OSBPL11: variants seen among roughly 807,000 people sequenced by gnomAD.
OSBPL11 encodes oxysterol binding protein like 11, also known as oxysterol-binding protein-related protein 11.
OSBPL11 carries 33 observed loss-of-function variants against 84.4 expected under a neutral mutation model. The observed-to-expected ratio is 0.39, with a 90% confidence interval of 0.30 to 0.52. OSBPL11 has a LOEUF of 0.52. OSBPL11 is among the 20% of genes least tolerant of loss of function. The pLI, the probability that OSBPL11 is intolerant of heterozygous loss-of-function variation, is 0.72. For missense variants in OSBPL11, 736 were observed against 901.1 expected (o/e 0.82, Z 2.35); for synonymous variants, 276 against 310.2 (o/e 0.89, Z 1.16).
rs1935995982 is a variant in OSBPL11, at chr3:125,556,748, A to G, written c.1155+3631T>C. On this transcript the variant is annotated intron_variant, in intron 8 of 12. Transcript: ENST00000296220. The stretch of plus-strand genomic sequence containing the variant: ...ATGTTAGCTATTCATTTTTTCCTAA[A>G]CATCATTATGGAGTACAAAAAAGCA... Among the ~76,000 whole-genome samples the G allele has an allele frequency of 2.0e-5, 3 of 152,202 alleles. No homozygotes were observed. In the South Asian group the frequency reaches 6.2e-4, roughly 32 times the overall value.
chr3:125,574,480 GTT>G (rs56689283), intron 5 of OSBPL11, among the ~76,000 whole-genome samples: 5 of 135,354 alleles, frequency 3.7e-5, no homozygotes, highest in East Asian at 2.1e-4. Context: ...CTGATTAGCA[GTT>G]TTTTTTTTTT....
At chr3:125,581,007 T>C (rs1166408845) in intron 2 of OSBPL11, among the ~76,000 whole-genome samples, 1 of 151,988 alleles carries the variant, frequency 6.6e-6, no homozygotes, top group Non-Finnish European at 1.5e-5. Flanking sequence ...GAAATACTAA[T>C]ACACTTTGGA....
chr3:125,576,420 A>G, intron 4 of OSBPL11, 55 bp from the exon 5 acceptor site: 1 of 1,377,658 alleles, frequency 7.3e-7, no homozygotes. Context: ...TAGGATTTCT[A>G]ACCATCAAAC....
At chr3:125,540,828 C>T (rs75140169) in intron 10 of OSBPL11, among the ~76,000 whole-genome samples, 26 of 152,194 alleles carry the variant, frequency 1.7e-4, no homozygotes, top group East Asian at 5.8e-4. Context: ...AAAAACAGCA[C>T]GAAGAGAAGT....
chr3:125,552,674 C>T lies in OSBPL11; in HGVS notation c.1161G>A (p.Val387=), dbSNP rs771835224. ...LKLGMDLTRV[V]LPTFILEKRS... ...GCTTCTCTAGGATAAATGTAGGAAG[C>T]ACCACCTAAAACAACAATCAATGAA... Residue 387 remains valine, a synonymous_variant, in exon 9 of 13, where the codon GTG becomes GTA. Transcript: ENST00000296220. 1 of 1,610,530 alleles carries T rather than the reference C, an allele frequency of 6.2e-7. No individual in the cohort carries two copies. Among genetic ancestry groups the T allele is most frequent in the Non-Finnish European group, 8.5e-7 (1 of 1,178,246 alleles).
At chr3:125,540,278 A>C (rs1167195226) in intron 10 of OSBPL11, among the ~76,000 whole-genome samples, 1 of 145,402 alleles carries the variant, frequency 6.9e-6, no homozygotes, top group Non-Finnish European at 1.5e-5. Context: ...GCAGTGAGCC[A>C]AGATTGCACT....
intron 10 of OSBPL11, among the ~76,000 whole-genome samples, chr3:125,545,678 C>T (rs1036138259): frequency 2.0e-5 from 3 of 151,868 alleles, no homozygotes; most frequent in Non-Finnish European, 2.9e-5. Context: ...TATGATATTA[C>T]ACCACACACT....
chr3:125,547,240 CAG>C (rs1935833495), intron 10 of OSBPL11, among the ~76,000 whole-genome samples, 164 bp downstream of exon 10: 1 of 152,084 alleles, frequency 6.6e-6, no homozygotes, highest in African/African-American at 2.4e-5. Context: ...CTTTTAAAAA[CAG>C]AGCATGACTT....
At chr3:125,572,515 A>G (rs1337319568) in intron 5 of OSBPL11, among the ~76,000 whole-genome samples, 4 of 152,126 alleles carry the variant, frequency 2.6e-5, no homozygotes, top group Non-Finnish European at 5.9e-5. Context: ...GGAGGGACCC[A>G]GTGGGAGGTA....
At chr3:125,560,561 T>G in intron 7 of OSBPL11, 42 bp from the exon 8 acceptor site, 1 of 1,469,156 alleles carries the variant, frequency 6.8e-7, no homozygotes, top group Non-Finnish European at 9.1e-7. Context: ...TTTAACTACC[T>G]ATTCATATCC....
intron 9 of OSBPL11, among the ~76,000 whole-genome samples, chr3:125,550,275 T>C (rs1201092621): frequency 6.6e-6 from 1 of 151,476 alleles, no homozygotes; most frequent in Non-Finnish European, 1.5e-5. Context: ...CTGTGGAAGC[T>C]GGGGTGGGAG....
At chr3:125,570,648 A>G (rs1418995372) in intron 5 of OSBPL11, among the ~76,000 whole-genome samples, 5 of 152,176 alleles carry the variant, frequency 3.3e-5, no homozygotes, top group Admixed American at 1.3e-4. Context: ...ATGATAGTGA[A>G]TAAGTCTCAT....
At chr3:125,577,657 G>A (rs6438906) in intron 4 of OSBPL11, among the ~76,000 whole-genome samples, 10,442 of 151,628 alleles carry the variant, frequency 0.069, 489 homozygotes, top group African/African-American at 0.14. Flanking sequence ...GCGAAACCCC[G>A]TCTCTACCAA....
At chr3:125,579,130 A>C in intron 3 of OSBPL11, 91 bp from the exon 4 acceptor site, 1 of 936,564 alleles carries the variant, frequency 1.1e-6, no homozygotes. Flanking sequence ...ACTGAAAAGC[A>C]GATACTGGTC....
At chr3:125,583,035 T>C in intron 1 of OSBPL11, 57 bp from the exon 2 acceptor site, 1 of 1,279,248 alleles carries the variant, frequency 7.8e-7, no homozygotes, top group Non-Finnish European at 1.1e-6. Context: ...CCCAGGAGGA[T>C]AATGGTACAA....
chr3:125,559,394 G>A (rs1936040866), intron 8 of OSBPL11, among the ~76,000 whole-genome samples: 1 of 151,982 alleles, frequency 6.6e-6, no homozygotes, highest in African/African-American at 2.4e-5. Flanking sequence ...AAGCCAGAAA[G>A]CCTTTTTTTT....
intron 10 of OSBPL11, among the ~76,000 whole-genome samples, chr3:125,543,879 G>A (rs899286559): frequency 6.6e-6 from 1 of 151,920 alleles, no homozygotes. Context: ...CAGCCTGGGC[G>A]ACAGAGTGAG....
chr3:125,594,055 G>C (rs370351585), intron 1 of OSBPL11, among the ~76,000 whole-genome samples: 1 of 152,220 alleles, frequency 6.6e-6, no homozygotes, highest in African/African-American at 2.4e-5. Flanking sequence ...AGAGAGCATT[G>C]AAGTGGCCTG....
chr3:125,582,907 T>C lies in OSBPL11; in HGVS notation c.233+3A>G. ...CTGATGTGACACAAATAATCACACT[T>C]ACCTGTACTGCCACCCAGTGACAAG... On this transcript the variant is annotated splice_donor_region_variant and intron_variant, in intron 2 of 12. Transcript: ENST00000296220. 1 of 1,588,778 alleles carries C rather than the reference T, an allele frequency of 6.3e-7. No homozygotes were observed. The highest frequency in any genetic ancestry group is 8.6e-7 in the Non-Finnish European group (1 of 1,166,726).
Sources: allele counts gnomAD v4.1 joint callset (sites outside exome capture counted in the v4.1 genomes callset), GRCh38; gene constraint gnomAD v4.1.1; transcripts MANE v1.5; gene names NCBI Gene and HGNC (gene_info 2026-07-23, HGNC 2026-07-21).